SUGCT: variants seen among roughly 807,000 people sequenced by gnomAD.
SUGCT encodes succinyl-CoA:glutarate-CoA transferase, also known as succinyl-CoA:glutarate CoA-transferase.
A neutral mutation model predicts 55.0 loss-of-function variants in SUGCT; 41 were observed. The ratio of observed to expected loss-of-function variants is 0.74; its 90% CI spans 0.58 to 0.97. The LOEUF (loss-of-function observed/expected upper bound fraction) is 0.97, where lower values mean the gene tolerates loss of function less well. Ranked by LOEUF, SUGCT falls within the 50% of genes least tolerant of loss-of-function variation. SUGCT has a pLI of 0.00. For missense variants in SUGCT, 568 were observed against 547.8 expected (o/e 1.04, Z -0.37); for synonymous variants, 187 against 200.4 (o/e 0.93, Z 0.56).
At chr7:40,304,062 A>AC (rs1466745773) in intron 8 of SUGCT, among the ~76,000 whole-genome samples, 19 of 152,116 alleles carry the variant, frequency 1.2e-4, no homozygotes, top group African/African-American at 3.9e-4. Context: ...AAAAAAAAAA[A>AC]AAAAGAATGA....
intron 12 of SUGCT, among the ~76,000 whole-genome samples, chr7:40,545,772 T>C (rs1316181346): frequency 6.6e-6 from 1 of 152,210 alleles, no homozygotes; most frequent in Non-Finnish European, 1.5e-5. Context: ...TAACAAAGTA[T>C]GCTTGCCACA....
At chr7:40,229,812 C>CAAAAAA (rs771471649) in intron 6 of SUGCT, among the ~76,000 whole-genome samples, 5 of 60,778 alleles carry the variant, frequency 8.2e-5, no homozygotes, top group Admixed American at 1.9e-4. Context: ...GACTCTGTCT[C>CAAAAAA]AAAAAAAAAA....
chr7:40,542,243 C>T lies in SUGCT; in HGVS notation c.1089+45857C>T, dbSNP rs530551906. Among the ~76,000 whole-genome samples the T allele has an allele frequency of 4.6e-5, 7 of 152,146 alleles. No individual in the cohort carries two copies. The South Asian group carries it at 6.2e-4, about 14-fold the overall frequency. ...ACATAGACAATGTAATCATAACCAT[C>T]GTCATCATCATCATCATCATCATCC... On this transcript the variant is annotated intron_variant, in intron 12 of 13. Coordinates refer to ENST00000335693, the MANE Select transcript of SUGCT (RefSeq NM_001193313.2).
the SUGCT span, among the ~76,000 whole-genome samples, chr7:40,904,226 C>T: frequency 1.3e-5 from 2 of 152,040 alleles, no homozygotes; most frequent in African/African-American, 2.4e-5. Flanking sequence ...AGAAACATAC[C>T]GAGTATATGG....
intron 2 of SUGCT, 45 bp from the exon 3 acceptor site, chr7:40,181,910 T>C: frequency 1.7e-6 from 2 of 1,195,716 alleles, no homozygotes; most frequent in Non-Finnish European, 2.4e-6. Flanking sequence ...AATATAAACA[T>C]TTTCAAGATG....
At chr7:40,801,920 C>G (rs777782423) in intron 13 of SUGCT, among the ~76,000 whole-genome samples, 91 of 151,104 alleles carry the variant, frequency 6.0e-4, no homozygotes, top group Admixed American at 9.9e-4. Context: ...CTCTTGTGAA[C>G]AAGAAAAAAA....
intron 12 of SUGCT, among the ~76,000 whole-genome samples, chr7:40,619,113 ATTTT>A (rs1156440846): frequency 6.6e-6 from 1 of 152,094 alleles, no homozygotes; most frequent in Non-Finnish European, 1.5e-5. Context: ...CGCCTTCCAT[ATTTT>A]CTTTCAGAGA....
chr7:40,537,868 G>A (rs1438133235), intron 12 of SUGCT, among the ~76,000 whole-genome samples: 1 of 152,158 alleles, frequency 6.6e-6, no homozygotes, highest in Non-Finnish European at 1.5e-5. Flanking sequence ...CAAGAGAATT[G>A]ATGTTTCAGG....
chr7:40,625,723 C>A (rs560195878), intron 12 of SUGCT, among the ~76,000 whole-genome samples: 1 of 152,266 alleles, frequency 6.6e-6, no homozygotes, highest in Non-Finnish European at 1.5e-5. Context: ...AATCCCCCAG[C>A]CCCTGCAACA....
intron 12 of SUGCT, among the ~76,000 whole-genome samples, chr7:40,562,573 A>C (rs1795900143): frequency 6.6e-6 from 1 of 152,186 alleles, no homozygotes; most frequent in Non-Finnish European, 1.5e-5. Context: ...GATGAGGGAC[A>C]GAAATTGATC....
chr7:40,894,893 G>A, the SUGCT span, among the ~76,000 whole-genome samples: 1 of 152,142 alleles, frequency 6.6e-6, no homozygotes, highest in Non-Finnish European at 1.5e-5. Flanking sequence ...CACGTAGAAA[G>A]CAATGTGTCA....
chr7:40,720,314 G>T (rs957091203), intron 12 of SUGCT, among the ~76,000 whole-genome samples: 1 of 152,056 alleles, frequency 6.6e-6, no homozygotes, highest in Non-Finnish European at 1.5e-5. Context: ...GACATGGAGG[G>T]GTTCACAAAG....
At chr7:41,004,485 G>A in the SUGCT span, among the ~76,000 whole-genome samples, 2 of 152,176 alleles carry the variant, frequency 1.3e-5, no homozygotes, top group Non-Finnish European at 2.9e-5. Context: ...CACTGCTGCA[G>A]AACTGGAGCA....
At chr7:40,893,361 A>C in the SUGCT span, among the ~76,000 whole-genome samples, 1 of 152,188 alleles carries the variant, frequency 6.6e-6, no homozygotes, top group Non-Finnish European at 1.5e-5. Context: ...AGAATATTCC[A>C]TCTATCAGGA....
At chr7:40,670,788 C>A (rs1395128599) in intron 12 of SUGCT, among the ~76,000 whole-genome samples, 3 of 151,924 alleles carry the variant, frequency 2.0e-5, no homozygotes. Context: ...TTTTAAAACT[C>A]CCCCAAAAGA....
At chr7:40,904,794 A>G in the SUGCT span, among the ~76,000 whole-genome samples, 1 of 152,210 alleles carries the variant, frequency 6.6e-6, no homozygotes, top group Non-Finnish European at 1.5e-5. Flanking sequence ...GTATACACAC[A>G]TATATGTATA....
rs1224826122 is a variant in SUGCT, at chr7:40,272,095, C to CTATA, written c.577-2404_577-2401dup. 2.6e-3 allele frequency among the ~76,000 whole-genome samples: 220 copies of CTATA among 85,404 alleles called. 4 individuals carry two copies. Among genetic ancestry groups the CTATA allele is most frequent in the African/African-American group, 8.4e-3 (178 of 21,302 alleles). 56.0% of individuals were successfully genotyped at this position (85,404 alleles called of 152,430 possible). A position where few individuals can be genotyped will look rare whatever the true frequency, so the allele number is the denominator to read the frequency against. On this transcript the variant is annotated intron_variant, in intron 7 of 13. Transcript: ENST00000335693. ...TCTCTCTCTCTCTCTCTCTCTCTCT[C>CTATA]TATATATATATATATATGGATGTTT...
intron 9 of SUGCT, among the ~76,000 whole-genome samples, chr7:40,343,163 G>A (rs921039119): frequency 5.3e-5 from 8 of 152,036 alleles, no homozygotes; most frequent in African/African-American, 1.2e-4. Flanking sequence ...GCCTTCCACC[G>A]ATAGCTTTAT....
chr7:40,310,663 A>T (rs1795094429), intron 8 of SUGCT, among the ~76,000 whole-genome samples: 1 of 152,226 alleles, frequency 6.6e-6, no homozygotes, highest in Admixed American at 6.5e-5. Flanking sequence ...TTTATTTCAG[A>T]TAAAATTCAA....
Sources: allele counts gnomAD v4.1 joint callset (sites outside exome capture counted in the v4.1 genomes callset), GRCh38; gene constraint gnomAD v4.1.1; transcripts MANE v1.5; gene names NCBI Gene and HGNC (gene_info 2026-07-23, HGNC 2026-07-21).